CCDC66: variants seen among roughly 807,000 people sequenced by gnomAD.
CCDC66 encodes the protein coiled-coil domain-containing protein 66.
Under a neutral mutation model 128.3 loss-of-function variants are expected in CCDC66, and 133 were observed. The ratio of observed to expected loss-of-function variants is 1.04; its 90% CI spans 0.90 to 1.20. The LOEUF is 1.20. Ranked by LOEUF, CCDC66 falls within the 50% of genes most tolerant of loss-of-function variation. The pLI, the probability that CCDC66 is intolerant of heterozygous loss-of-function variation, is 0.00. For synonymous variants in CCDC66, 387 were observed against 357.0 expected, an observed-to-expected ratio of 1.08 and a Z score of -0.95; for missense variants, 1,126 against 1,075.5, an observed-to-expected ratio of 1.05 and a Z score of -0.66.
intron 15 of CCDC66, chr3:56,618,429 ACATTTACTTTTAT>A (rs1231409032): frequency 3.1e-4 from 144 of 470,238 alleles, no homozygotes; most frequent in Admixed American, 6.7e-4. Context: ...AATGTAGATA[ACATTTACTTTTAT>A]CTCTAGACTT....
chr3:56,610,380 A>G lies in CCDC66; in HGVS notation c.1405-3209A>G, dbSNP rs2074626990. ...TTCTGTTGCTGAGACTTACCAGAGC[A>G]TTTCACATTTCTAAAAGTGTGTCCA... On this transcript the variant is annotated intron_variant, in intron 10 of 17. Coordinates refer to ENST00000394672, the MANE Select transcript of CCDC66 (RefSeq NM_001141947.3). Among the ~76,000 whole-genome samples the G allele has an allele frequency of 1.3e-5, 2 of 152,108 alleles. 1 individual carries two copies. The highest frequency in any genetic ancestry group is 4.1e-4 in the South Asian group (2 of 4,826).
chr3:56,597,776 G>GTTTTTTTTTTTTTTTTTTTTTTTTTT lies in CCDC66; in HGVS notation c.1404+3748_1404+3749insTTTTTTTTTTTTTTTTTTTTTTTTTT, dbSNP rs753875788. On this transcript the variant is annotated intron_variant, in intron 10 of 17. Transcript: ENST00000394672. ...TTGTGGAGTCTAGGTTTTGTTTTGG[G>GTTTTTTTTTTTTTTTTTTTTTTTTTT]GTTTTTTTTTTTTTTTGAGACAGAG... 2.0e-3 allele frequency among the ~76,000 whole-genome samples: 124 copies of GTTTTTTTTTTTTTTTTTTTTTTTTTT among 61,780 alleles called. 20 individuals are homozygous for GTTTTTTTTTTTTTTTTTTTTTTTTTT. Among genetic ancestry groups the GTTTTTTTTTTTTTTTTTTTTTTTTTT allele is most frequent in the Middle Eastern group, 0.011 (1 of 88 alleles). 40.5% of individuals were successfully genotyped at this position (61,780 alleles called of 152,430 possible).
In CCDC66 at chr3:56,583,914, C is replaced by T. The variant is rs867841774; in HGVS notation, c.937-9056C>T. ...CCCCACCTCCCGGATGGGGCGGCGGCTGGGCGGGGGCTGCCCCCCACCTCC... is the reference window on the plus strand; with the variant it reads ...CCCCACCTCCCGGATGGGGCGGCGGTTGGGCGGGGGCTGCCCCCCACCTCC... On this transcript the variant is annotated intron_variant, in intron 7 of 17. Coordinates refer to ENST00000394672, the MANE Select transcript of CCDC66 (RefSeq NM_001141947.3). Among the ~76,000 whole-genome samples the T allele has an allele frequency of 1.0e-4, 9 of 86,512 alleles. 1 individual carries two copies. The highest frequency in any genetic ancestry group is 2.0e-4 in the Non-Finnish European group (9 of 44,442). 56.8% of individuals were successfully genotyped at this position (86,512 alleles called of 152,430 possible).
At chr3:56,561,418 T>A (rs2107717804) in intron 3 of CCDC66, 1 of 353,204 alleles carries the variant, frequency 2.8e-6, no homozygotes, top group South Asian at 2.4e-5. Context: ...GACTTTTGAT[T>A]ACTAGACTTT....
chr3:56,609,001 A>T (rs569895844), intron 10 of CCDC66, among the ~76,000 whole-genome samples: 1 of 152,250 alleles, frequency 6.6e-6, no homozygotes, highest in East Asian at 1.9e-4. Flanking sequence ...TCTTAAATTT[A>T]TTGAGGCTTG....
At chr3:56,611,349 G>A (rs978372104) in intron 10 of CCDC66, among the ~76,000 whole-genome samples, 3 of 151,886 alleles carry the variant, frequency 2.0e-5, no homozygotes, top group Non-Finnish European at 4.4e-5. Context: ...AGGGAAGTGG[G>A]GGAAAGCCAG....
At chr3:56,581,251 C>T (rs1426124203) in intron 7 of CCDC66, among the ~76,000 whole-genome samples, 1 of 151,864 alleles carries the variant, frequency 6.6e-6, no homozygotes, top group Non-Finnish European at 1.5e-5. Context: ...TGGTTTTCAG[C>T]TCCATCAGGT....
chr3:56,564,052 A>G lies in CCDC66; in HGVS notation c.471A>G (p.Leu157=), dbSNP rs1185632610. The G allele has an allele frequency of 6.2e-7, 1 of 1,614,034 alleles. No homozygotes were observed. The highest frequency in any genetic ancestry group is 8.5e-7 in the Non-Finnish European group (1 of 1,179,938). ...TGGTGTGTCTAACACAAGACCAACT[A>G]CAACAGATTTTGATGACTGTAAACC... is the stretch of plus-strand genomic sequence containing the variant. The part of the protein sequence containing the change: ...SSLVCLTQDQ[L]QQILMTVNQG... The change falls in exon 4 of 18, where the codon CTA becomes CTG. Residue 157 remains leucine (L), a synonymous_variant. Coordinates refer to ENST00000394672, the MANE Select transcript of CCDC66 (RefSeq NM_001141947.3).
chr3:56,619,543 G>A lies in CCDC66; in HGVS notation c.2635+16G>A, dbSNP rs368565140. On this transcript the variant is annotated intron_variant, in intron 16 of 17. Coordinates refer to ENST00000394672, the MANE Select transcript of CCDC66 (RefSeq NM_001141947.3). ...AATTCACAAGGTAAGTAAATATTAA[G>A]CATTCTAACTGTAAAAATTGAAGAC... is the stretch of plus-strand genomic sequence containing the variant. The A allele has an allele frequency of 1.9e-6, 3 of 1,576,940 alleles. No individual in the cohort carries two copies. The African/African-American group carries it at 4.2e-5, about 22-fold the overall frequency.
chr3:56,591,200 G>A (rs1011587883), intron 7 of CCDC66, among the ~76,000 whole-genome samples: 1 of 152,184 alleles, frequency 6.6e-6, no homozygotes, highest in Non-Finnish European at 1.5e-5. Flanking sequence ...ACATCCTTGA[G>A]TAAGAAATTA....
chr3:56,597,837 C>T (rs139866315), intron 10 of CCDC66, among the ~76,000 whole-genome samples: 3,762 of 125,632 alleles, frequency 0.03, 119 homozygotes, highest in African/African-American at 0.07. Flanking sequence ...TGCAGTGGCG[C>T]GATCTCATCC....
chr3:56,598,882 C>CT (rs2072620182), intron 10 of CCDC66, among the ~76,000 whole-genome samples: 1 of 151,880 alleles, frequency 6.6e-6, no homozygotes, highest in African/African-American at 2.4e-5. Flanking sequence ...TTTCTTTGTT[C>CT]TTTTTTGTTG....
intron 7 of CCDC66, among the ~76,000 whole-genome samples, chr3:56,586,064 T>C (rs2069649493): frequency 6.6e-6 from 1 of 151,934 alleles, no homozygotes; most frequent in Admixed American, 6.6e-5. Flanking sequence ...ATGGTGGTAT[T>C]GTCTCACTCT....
chr3:56,573,353 C>T (rs1045330921), intron 7 of CCDC66, among the ~76,000 whole-genome samples: 2 of 152,190 alleles, frequency 1.3e-5, no homozygotes, highest in African/African-American at 4.8e-5. Context: ...TTGCAACCTG[C>T]AGCATGGCCA....
chr3:56,613,354 T>C (rs1267360070), intron 10 of CCDC66, among the ~76,000 whole-genome samples: 1 of 152,220 alleles, frequency 6.6e-6, no homozygotes, highest in Non-Finnish European at 1.5e-5. Flanking sequence ...TGTAGACTCC[T>C]AGCTAATCCT....
At chr3:56,599,573 G>A (rs1298155530) in intron 10 of CCDC66, among the ~76,000 whole-genome samples, 2 of 151,748 alleles carry the variant, frequency 1.3e-5, no homozygotes, top group Admixed American at 1.3e-4. Context: ...TATCCCATAG[G>A]TTTTGGTATG....
Position 56,565,455 on chromosome 3 carries a change from TC to T in CCDC66, c.545-1138del, listed in dbSNP as rs1375854242. Among the ~76,000 whole-genome samples, 519 of 137,310 alleles carry T rather than the reference TC, an allele frequency of 3.8e-3. 3 individuals carry two copies. Among genetic ancestry groups the T allele is most frequent in the African/African-American group, 0.012 (476 of 38,686 alleles). 90.1% of individuals were successfully genotyped at this position (137,310 alleles called of 152,430 possible). A position where few individuals can be genotyped will look rare whatever the true frequency, so the allele number is the denominator to read the frequency against. On this transcript the variant is annotated intron_variant, in intron 4 of 17. Transcript: ENST00000394672. ...CACCCGGCTAACTTTTTTTTTTTTT[TC>T]TTTTTTTTGTATTTTTAGTAGAGAC...
intron 3 of CCDC66, 118 bp downstream of exon 3, chr3:56,559,712 T>A: frequency 1.4e-6 from 1 of 702,678 alleles, no homozygotes; most frequent in Non-Finnish European, 2.2e-6. Context: ...GGAATTATAG[T>A]GAGGAGTTAT....
Position 56,577,784 on chromosome 3 carries a change from G to C in CCDC66, c.936+6482G>C, listed in dbSNP as rs181590964. Among the ~76,000 whole-genome samples the C allele has an allele frequency of 2.6e-5, 4 of 151,890 alleles. 1 individual carries two copies. The East Asian group carries it at 5.9e-4, about 23-fold the overall frequency. On this transcript the variant is annotated intron_variant, in intron 7 of 17. Transcript: ENST00000394672. ...TTCTGTTCCAGTTGTCTATATATCT[G>C]TTTTGGTACCAGTACCATGCTGCTT... is the stretch of plus-strand genomic sequence containing the variant.
Sources: allele counts gnomAD v4.1 joint callset (sites outside exome capture counted in the v4.1 genomes callset), GRCh38; gene constraint gnomAD v4.1.1; transcripts MANE v1.5; gene names NCBI Gene and HGNC (gene_info 2026-07-23, HGNC 2026-07-21).